DNAAF11: variants seen among roughly 807,000 people sequenced by gnomAD.
The protein encoded by DNAAF11 is leucine rich repeat containing 6.
Under a neutral mutation model 60.8 loss-of-function variants are expected in DNAAF11, and 45 were observed. That is an observed-to-expected ratio of 0.74 (90% CI 0.58 to 0.95). The LOEUF is 0.95. DNAAF11 is among the 40% of genes least tolerant of loss of function. The pLI is 0.00. For missense variants in DNAAF11, 546 were observed against 546.2 expected, an observed-to-expected ratio of 1.00 and a Z score of 0.00; for synonymous variants, 191 against 183.5, an observed-to-expected ratio of 1.04 and a Z score of -0.33.
At chr8:132,695,832 G>T in the DNAAF11 span, among the ~76,000 whole-genome samples, 5 of 152,072 alleles carry the variant, frequency 3.3e-5, no homozygotes, top group African/African-American at 1.2e-4. Context: ...AGTTTAACCC[G>T]GAAAGTACAA....
chr8:132,660,020 A>G (rs1823978428), intron 2 of DNAAF11, among the ~76,000 whole-genome samples: 1 of 152,228 alleles, frequency 6.6e-6, no homozygotes, highest in Non-Finnish European at 1.5e-5. Flanking sequence ...TGATCCTGCA[A>G]GCTGACCTCT....
the DNAAF11 span, among the ~76,000 whole-genome samples, chr8:132,695,951 A>G: frequency 6.6e-6 from 1 of 152,326 alleles, no homozygotes; most frequent in East Asian, 1.9e-4. Context: ...AGGTGTCAGG[A>G]CCAGTGGAAT....
intron 3 of DNAAF11, among the ~76,000 whole-genome samples, chr8:132,639,820 T>C (rs762185640): frequency 6.6e-6 from 1 of 152,006 alleles, no homozygotes; most frequent in Non-Finnish European, 1.5e-5. Context: ...CCTGCTAACA[T>C]AGATGTTGCT....
intron 11 of DNAAF11, among the ~76,000 whole-genome samples, chr8:132,574,576 G>A (rs1211840047): frequency 6.6e-6 from 1 of 152,210 alleles, no homozygotes; most frequent in Non-Finnish European, 1.5e-5. Context: ...AGGACTCTTA[G>A]AAACTTGCAC....
chr8:132,608,975 T>A (rs920084494), intron 10 of DNAAF11, among the ~76,000 whole-genome samples: 1 of 152,148 alleles, frequency 6.6e-6, no homozygotes, highest in Non-Finnish European at 1.5e-5. Flanking sequence ...GTTAATCAAG[T>A]TTGTACTCTT....
intron 10 of DNAAF11, among the ~76,000 whole-genome samples, chr8:132,597,714 G>A (rs770304904): frequency 2.6e-4 from 40 of 152,158 alleles, no homozygotes; most frequent in Non-Finnish European, 5.4e-4. Context: ...CAAATAATGT[G>A]TATTTCCTTG....
the DNAAF11 span, among the ~76,000 whole-genome samples, chr8:132,686,509 T>G: frequency 6.6e-6 from 1 of 152,020 alleles, no homozygotes; most frequent in Non-Finnish European, 1.5e-5. Context: ...GATTGTGGAG[T>G]GCAGTATTCC....
chr8:132,623,306 G>C (rs1358597552), intron 6 of DNAAF11, among the ~76,000 whole-genome samples: 4 of 151,978 alleles, frequency 2.6e-5, no homozygotes, highest in Non-Finnish European at 5.9e-5. Context: ...TATTGATTTA[G>C]AAAAGTGTTG....
chr8:132,652,821 TAGG>T (rs1201163595), intron 3 of DNAAF11, among the ~76,000 whole-genome samples: 1 of 152,040 alleles, frequency 6.6e-6, no homozygotes, highest in Admixed American at 6.6e-5. Flanking sequence ...GGGATAGCAT[TAGG>T]AGAAGTACCT....
At chr8:132,655,008 G>T (rs1385848993) in intron 3 of DNAAF11, among the ~76,000 whole-genome samples, 1 of 151,402 alleles carries the variant, frequency 6.6e-6, no homozygotes, top group Non-Finnish European at 1.5e-5. Context: ...TTGACAAACC[G>T]TTAGCTGCAC....
At chr8:132,644,830 C>A (rs555055096) in intron 3 of DNAAF11, among the ~76,000 whole-genome samples, 1 of 152,294 alleles carries the variant, frequency 6.6e-6, no homozygotes, top group South Asian at 2.1e-4. Flanking sequence ...AACAAAGCAG[C>A]CGGGAAGCTC....
chr8:132,701,243 T>C, the DNAAF11 span, among the ~76,000 whole-genome samples: 6 of 152,272 alleles, frequency 3.9e-5, no homozygotes, highest in South Asian at 1.2e-3. Context: ...GGACAACAAA[T>C]GTTCACTACA....
intron 3 of DNAAF11, among the ~76,000 whole-genome samples, chr8:132,640,354 T>C (rs995971828): frequency 5.3e-5 from 8 of 152,186 alleles, no homozygotes; most frequent in Admixed American, 2.6e-4. Flanking sequence ...GTCATGGTTA[T>C]TGGTTTAACT....
At chr8:132,691,189 A>G in the DNAAF11 span, among the ~76,000 whole-genome samples, 1 of 150,930 alleles carries the variant, frequency 6.6e-6, no homozygotes, top group Non-Finnish European at 1.5e-5. Flanking sequence ...ACTTATTTAT[A>G]TCAGTATAGA....
chr8:132,575,662 G>A (rs1814669439), intron 11 of DNAAF11, among the ~76,000 whole-genome samples: 2 of 152,164 alleles, frequency 1.3e-5, no homozygotes, highest in Admixed American at 6.5e-5. Flanking sequence ...AGGGAACTTG[G>A]CATCTGGCAC....
chr8:132,583,546 C>T (rs902096767), intron 11 of DNAAF11, 148 bp downstream of exon 11: 13 of 635,718 alleles, frequency 2.0e-5, no homozygotes, highest in Middle Eastern at 2.8e-4. Flanking sequence ...CAAGAGTCTA[C>T]GGTTTGGGAA....
intron 10 of DNAAF11, among the ~76,000 whole-genome samples, chr8:132,584,279 T>C (rs1325799726): frequency 6.6e-6 from 1 of 152,188 alleles, no homozygotes; most frequent in East Asian, 1.9e-4. Flanking sequence ...AGTCCTATAA[T>C]TCTAATACTT....
intron 3 of DNAAF11, among the ~76,000 whole-genome samples, chr8:132,648,344 T>C (rs1256444946): frequency 6.6e-6 from 1 of 152,172 alleles, no homozygotes; most frequent in Non-Finnish European, 1.5e-5. Flanking sequence ...AAACTAGGTA[T>C]TGATGAGACG....
intron 10 of DNAAF11, among the ~76,000 whole-genome samples, chr8:132,593,332 CATATATATATATATAT>C (rs60462067): frequency 3.7e-5 from 4 of 108,740 alleles, no homozygotes; most frequent in African/African-American, 1.1e-4. Flanking sequence ...TATATACATA[CATATATATATATATAT>C]ATATATATAT....
Sources: gnomAD v4.1 joint callset for allele counts (sites outside exome capture counted in the v4.1 genomes callset) on GRCh38, gnomAD v4.1.1 for gene constraint, MANE v1.5 for transcripts, NCBI Gene and HGNC (gene_info 2026-07-23, HGNC 2026-07-21) for gene names.